The following SMARCC1 variants were observed in gnomAD, a reference collection of about 807,000 sequenced individuals.
SMARCC1 encodes SWI/SNF complex subunit SMARCC1.
In SMARCC1, 43 loss-of-function variants were observed where a neutral mutation model predicts 147.4. The observed-to-expected ratio is 0.29, with a 90% CI of 0.23 to 0.38. The LOEUF (loss-of-function observed/expected upper bound fraction) is 0.38. Ranked by LOEUF, SMARCC1 falls within the 10% of genes least tolerant of loss-of-function variation. The pLI is 1.00. For missense variants in SMARCC1, 1,119 were observed against 1,381.1 expected (o/e 0.81, Z 3.01); for synonymous variants, 495 against 484.4 (o/e 1.02, Z -0.29).
intron 4 of SMARCC1, among the ~76,000 whole-genome samples, chr3:47,736,451 G>A (rs1241145184): frequency 1.6e-4 from 25 of 151,944 alleles, no homozygotes; most frequent in Non-Finnish European, 1.6e-4. Context: ...CGAGATGGGC[G>A]GATCATGAGG....
intron 15 of SMARCC1, 135 bp downstream of exon 15, chr3:47,680,302 A>G (rs915729208): frequency 1.4e-6 from 1 of 702,292 alleles, no homozygotes; most frequent in Non-Finnish European, 2.5e-6. Flanking sequence ...TGCTATGCAA[A>G]TGAGATATGA....
chr3:47,762,540 T>C (rs971737105), intron 2 of SMARCC1, among the ~76,000 whole-genome samples: 1 of 152,226 alleles, frequency 6.6e-6, no homozygotes, highest in African/African-American at 2.4e-5. Context: ...CCACCACATT[T>C]GTTAGAACTG....
chr3:47,629,811 C>T (rs2032863022), intron 24 of SMARCC1, among the ~76,000 whole-genome samples: 1 of 152,048 alleles, frequency 6.6e-6, no homozygotes, highest in South Asian at 2.1e-4. Flanking sequence ...GCTAAACCTG[C>T]CCAAGTTCCT....
chr3:47,764,169 T>A (rs1354863124), intron 2 of SMARCC1, among the ~76,000 whole-genome samples: 3 of 152,142 alleles, frequency 2.0e-5, no homozygotes, highest in Non-Finnish European at 4.4e-5. Context: ...CCCAAGTAGT[T>A]GGGACCACAA....
intron 26 of SMARCC1, among the ~76,000 whole-genome samples, chr3:47,602,198 G>A (rs1363170179): frequency 6.6e-6 from 1 of 152,152 alleles, no homozygotes; most frequent in East Asian, 1.9e-4. Context: ...TGGCTGAGGT[G>A]AGAGGATTGC....
intron 15 of SMARCC1, among the ~76,000 whole-genome samples, chr3:47,679,710 A>G (rs1247486303): frequency 6.6e-6 from 1 of 151,944 alleles, no homozygotes; most frequent in South Asian, 2.1e-4. Context: ...AAAAATACAA[A>G]AATTAGCCAG....
intron 15 of SMARCC1, among the ~76,000 whole-genome samples, chr3:47,679,760 G>A (rs566097396): frequency 6.6e-6 from 1 of 151,498 alleles, no homozygotes; most frequent in Non-Finnish European, 1.5e-5. Flanking sequence ...TACGTGGGAG[G>A]CTGAGGCAGG....
rs986029896 is a variant in SMARCC1, at chr3:47,636,188, C to G, written c.2377-52G>C. The G allele has an allele frequency of 2.1e-5, 19 of 926,524 alleles. No individual in the cohort carries two copies. The African/African-American group carries it at 3.0e-4, about 14-fold the overall frequency. 57.4% of individuals were successfully genotyped at this position (926,524 alleles called of 1,614,324 possible). A position where few individuals can be genotyped will look rare whatever the true frequency, so the allele number is the denominator to read the frequency against. On this transcript the variant is annotated intron_variant, in intron 22 of 27. Transcript: ENST00000254480. ...AGGCAGTGAACAAAAAAACCCCAGA[C>G]CTTTTTATGAGTAATTATCTTAGAC...
At chr3:47,719,069 T>C (rs1019023255) in intron 7 of SMARCC1, among the ~76,000 whole-genome samples, 5 of 151,912 alleles carry the variant, frequency 3.3e-5, no homozygotes, top group African/African-American at 1.2e-4. Context: ...CCCACCACCA[T>C]GCCCGGCCAA....
intron 26 of SMARCC1, among the ~76,000 whole-genome samples, chr3:47,608,190 C>A (rs1055722243): frequency 6.6e-6 from 1 of 152,168 alleles, no homozygotes; most frequent in Non-Finnish European, 1.5e-5. Context: ...TAGGTTCAAG[C>A]AATACCCATG....
chr3:47,601,853 C>A (rs1257891556), intron 26 of SMARCC1: 1 of 152,168 alleles, frequency 6.6e-6, no homozygotes. Flanking sequence ...TTGCCTGCCA[C>A]CACACCCGGC....
intron 13 of SMARCC1, among the ~76,000 whole-genome samples, chr3:47,688,855 A>G (rs2033760170): frequency 6.6e-6 from 1 of 152,168 alleles, no homozygotes; most frequent in African/African-American, 2.4e-5. Context: ...ATTACAGCAC[A>G]TGAGGGACAC....
chr3:47,758,147 TCTCA>T (rs1313105739), intron 2 of SMARCC1, among the ~76,000 whole-genome samples: 1 of 151,738 alleles, frequency 6.6e-6, no homozygotes, highest in African/African-American at 2.4e-5. Context: ...ACAACAAGGG[TCTCA>T]CTGTGTCACC....
intron 12 of SMARCC1, among the ~76,000 whole-genome samples, chr3:47,689,724 G>A (rs541813696): frequency 1.8e-4 from 28 of 152,274 alleles, no homozygotes; most frequent in South Asian, 8.3e-4. Flanking sequence ...ACTTGATTAC[G>A]ATTCTTGTCT....
At chr3:47,596,071 A>C (rs2032274897) in intron 26 of SMARCC1, among the ~76,000 whole-genome samples, 1 of 151,702 alleles carries the variant, frequency 6.6e-6, no homozygotes, top group African/African-American at 2.4e-5. Context: ...AAAAACAAAA[A>C]CAAAACAAAA....
chr3:47,642,306 T>A (rs1451120420), intron 21 of SMARCC1, among the ~76,000 whole-genome samples: 3 of 152,120 alleles, frequency 2.0e-5, no homozygotes, highest in Non-Finnish European at 4.4e-5. Flanking sequence ...GATACTAGGT[T>A]TTGCCCGGTG....
intron 1 of SMARCC1, among the ~76,000 whole-genome samples, chr3:47,776,154 G>GAA (rs879878989): frequency 7.0e-6 from 1 of 143,774 alleles, no homozygotes; most frequent in African/African-American, 2.5e-5. Context: ...TCTCAAACGA[G>GAA]AAAAAAAAAA....
chr3:47,588,772 T>C (rs570750821), intron 27 of SMARCC1, among the ~76,000 whole-genome samples: 1 of 127,946 alleles, frequency 7.8e-6, no homozygotes, highest in East Asian at 2.5e-4. Context: ...ATTCTTGCTA[T>C]ATAAATGTCT....
intron 10 of SMARCC1, among the ~76,000 whole-genome samples, chr3:47,703,293 T>G (rs1348493592): frequency 1.3e-5 from 2 of 152,338 alleles, no homozygotes; most frequent in African/African-American, 4.8e-5. Context: ...TCCTAGCCAC[T>G]GAGGAGGACT....
Sources: allele counts gnomAD v4.1 joint callset (sites outside exome capture counted in the v4.1 genomes callset), GRCh38; gene constraint gnomAD v4.1.1; transcripts MANE v1.5; gene names NCBI Gene and HGNC (gene_info 2026-07-23, HGNC 2026-07-21).